Variants in PHF21B observed in about 807,000 individuals in gnomAD.
PHF21B encodes the protein PHD finger protein 4.
PHF21B carries 22 observed loss-of-function variants against 62.2 expected under a neutral mutation model. The observed-to-expected ratio is 0.35, with a 90% CI of 0.25 to 0.51. The LOEUF (loss-of-function observed/expected upper bound fraction) is 0.51. PHF21B is among the 20% of genes least tolerant of loss of function. The pLI, the probability that PHF21B is intolerant of heterozygous loss-of-function variation, is 0.97. For synonymous variants in PHF21B, 341 were observed against 314.7 expected (o/e 1.08, Z -0.88); for missense variants, 701 against 707.9 (o/e 0.99, Z 0.11).
intron 2 of PHF21B, among the ~76,000 whole-genome samples, chr22:44,933,250 T>C (rs1412463561): frequency 6.6e-6 from 1 of 152,162 alleles, no homozygotes; most frequent in African/African-American, 2.4e-5. Flanking sequence ...TAGCTGGGAT[T>C]ACAGGCATGT....
intron 2 of PHF21B, among the ~76,000 whole-genome samples, chr22:44,955,467 G>C (rs1160680741): frequency 1.3e-5 from 2 of 152,354 alleles, no homozygotes; most frequent in East Asian, 3.9e-4. Context: ...TTCTGGAAGA[G>C]ATCAGCATAT....
intron 2 of PHF21B, among the ~76,000 whole-genome samples, chr22:44,948,520 A>G (rs1304025715): frequency 6.9e-6 from 1 of 144,862 alleles, no homozygotes; most frequent in East Asian, 2.4e-4. Flanking sequence ...ATCTCTACTA[A>G]AAATAAAATA....
intron 2 of PHF21B, among the ~76,000 whole-genome samples, chr22:44,977,849 AGTGT>A (rs2072767393): frequency 6.6e-6 from 1 of 151,794 alleles, no homozygotes; most frequent in South Asian, 2.1e-4. Flanking sequence ...GGCCTCCCAA[AGTGT>A]GTGATTACAG....
intron 2 of PHF21B, among the ~76,000 whole-genome samples, chr22:44,921,356 GTTCTT>G (rs1231497475): frequency 8.4e-6 from 1 of 119,110 alleles, no homozygotes; most frequent in East Asian, 2.5e-4. Flanking sequence ...AACCGGAACA[GTTCTT>G]TTTTTTTTTC....
rs897759487 is a variant in PHF21B, at chr22:45,009,110, C to T, written c.54+386G>A. 10 of 932,302 alleles carry T rather than the reference C, an allele frequency of 1.1e-5. No homozygotes were observed. Among genetic ancestry groups the T allele is most frequent in the African/African-American group, 1.7e-5 (1 of 57,354 alleles). The allele number at this position is 932,302 out of a possible 1,614,324, so 57.8% of individuals were successfully genotyped here. On this transcript the variant is annotated intron_variant, in intron 1 of 12. Transcript: ENST00000313237. The surrounding 1 kb of genome is among the most constrained non-coding windows in gnomAD (Gnocchi z 5.9). ...GATCGCCAAAACTACTTCTGCACAC[C>T]GGGCAGGTTCGCCCGGGGCGCGGGG...
chr22:44,890,665 T>C (rs1262912879), intron 8 of PHF21B, among the ~76,000 whole-genome samples: 1 of 152,266 alleles, frequency 6.6e-6, no homozygotes, highest in Non-Finnish European at 1.5e-5. Context: ...GGCAGCTTCC[T>C]GCTGCTGTCT....
intron 2 of PHF21B, among the ~76,000 whole-genome samples, chr22:44,931,380 G>A (rs2071738324): frequency 6.6e-6 from 1 of 152,124 alleles, no homozygotes; most frequent in Admixed American, 6.5e-5. Flanking sequence ...CGGTGACCCT[G>A]ACCAAAGCCA....
At chr22:44,995,947 C>T (rs1444997804) in intron 2 of PHF21B, among the ~76,000 whole-genome samples, 2 of 152,126 alleles carry the variant, frequency 1.3e-5, no homozygotes, top group East Asian at 1.9e-4. Flanking sequence ...TGGCAAGGGG[C>T]TCAAAGATGG....
intron 2 of PHF21B, among the ~76,000 whole-genome samples, chr22:44,979,143 T>G (rs2072791537): frequency 6.6e-6 from 1 of 152,204 alleles, no homozygotes; most frequent in East Asian, 1.9e-4. Flanking sequence ...TCTGGTTCAT[T>G]CTCTCCTGCA....
At chr22:44,964,216 C>T (rs758290620) in intron 2 of PHF21B, among the ~76,000 whole-genome samples, 9 of 152,218 alleles carry the variant, frequency 5.9e-5, no homozygotes, top group East Asian at 1.9e-4. Context: ...TAATATTCAC[C>T]GAGGCCTCAA....
chr22:44,920,550 C>T, intron 2 of PHF21B, 60 bp from the exon 3 acceptor site: 1 of 1,361,888 alleles, frequency 7.3e-7, no homozygotes, highest in Non-Finnish European at 1.0e-6. Flanking sequence ...GAATCCGTTG[C>T]CCCCAGCCTG....
intron 2 of PHF21B, among the ~76,000 whole-genome samples, chr22:45,001,482 G>A (rs1264672266): frequency 1.3e-5 from 2 of 152,130 alleles, no homozygotes; most frequent in Non-Finnish European, 2.9e-5. Flanking sequence ...TGAGCCTGGT[G>A]GCCAGACATC....
chr22:44,939,446 G>A (rs1338622505), intron 2 of PHF21B, among the ~76,000 whole-genome samples: 2 of 152,228 alleles, frequency 1.3e-5, no homozygotes, highest in Non-Finnish European at 2.9e-5. Context: ...AGGAAGCACT[G>A]CGCACTGAGC....
intron 2 of PHF21B, among the ~76,000 whole-genome samples, chr22:44,963,085 C>T (rs1451517531): frequency 1.3e-4 from 20 of 152,268 alleles, no homozygotes; most frequent in Admixed American, 1.3e-3. Flanking sequence ...GGCTGCCCCC[C>T]AGATCCCTCC....
At position 44,945,723 on chromosome 22, in the gene PHF21B, G is replaced by T. The variant is rs996428737; in HGVS notation, c.121-25233C>A. The stretch of plus-strand genomic sequence containing the variant: ...AAATACTGTTGGCAGAATTGGGGGG[G>T]GGGTGGTATAAAGCAGTCCTGCTTA... On this transcript the variant is annotated intron_variant, in intron 2 of 12. Coordinates refer to ENST00000313237, the MANE Select transcript of PHF21B (RefSeq NM_138415.5). Among the ~76,000 whole-genome samples, 10 of 26,200 alleles carry T rather than the reference G, an allele frequency of 3.8e-4. No individual in the cohort carries two copies. The South Asian group carries it at 5.8e-3, about 15-fold the overall frequency. 17.2% of individuals were successfully genotyped at this position (26,200 alleles called of 152,430 possible).
At chr22:44,961,577 A>G (rs2072421440) in intron 2 of PHF21B, among the ~76,000 whole-genome samples, 1 of 152,100 alleles carries the variant, frequency 6.6e-6, no homozygotes, top group South Asian at 2.1e-4. Context: ...GTGGTGGCTC[A>G]TGCCTATAAT....
chr22:44,886,230 G>A (rs980541339), intron 10 of PHF21B, among the ~76,000 whole-genome samples: 7 of 151,932 alleles, frequency 4.6e-5, no homozygotes, highest in African/African-American at 1.2e-4. Flanking sequence ...TTCCTCCCAC[G>A]TCCAGAAGAC....
chr22:44,894,865 G>T (rs2071029607), intron 6 of PHF21B, among the ~76,000 whole-genome samples: 1 of 152,176 alleles, frequency 6.6e-6, no homozygotes, highest in Admixed American at 6.5e-5. Context: ...GCTGAGCTCA[G>T]GAAGGCTTGC....
At position 44,905,342 on chromosome 22, in the gene PHF21B, G is replaced by A. The variant is rs143716659; in HGVS notation, c.831+8480C>T. On this transcript the variant is annotated intron_variant, in intron 5 of 12. Transcript: ENST00000313237. ...TAAGCTTTTCAAATGTCATCTCATC[G>A]CCATGTTTGTCATCATCAAATTCTC... Among the ~76,000 whole-genome samples, 112 of 152,198 alleles carry A rather than the reference G, an allele frequency of 7.4e-4. 1 individual carries two copies. In the East Asian group the frequency reaches 0.018, roughly 24 times the overall value.
Sources: gnomAD v4.1 joint callset for allele counts (sites outside exome capture counted in the v4.1 genomes callset) on GRCh38, gnomAD v4.1.1 for gene constraint, Gnocchi (gnomAD v3.1) non-coding constraint, MANE v1.5 for transcripts, NCBI Gene and HGNC (gene_info 2026-07-23, HGNC 2026-07-21) for gene names.